SPAST: variants seen among roughly 807,000 people sequenced by gnomAD.
SPAST encodes the protein spastin.
Under a neutral mutation model 76.6 loss-of-function variants are expected in SPAST, and 30 were observed. The observed-to-expected ratio is 0.39, with a 90% CI of 0.29 to 0.53. SPAST has a LOEUF of 0.53. Among genes scored for constraint, SPAST ranks in the 20% least tolerant of loss-of-function variants. The pLI, the probability that SPAST is intolerant of heterozygous loss-of-function variation, is 0.68. For missense variants in SPAST, 717 were observed against 770.5 expected, an observed-to-expected ratio of 0.93 and a Z score of 0.82; for synonymous variants, 305 against 281.0, an observed-to-expected ratio of 1.09 and a Z score of -0.86.
chr2:32,150,600 G>C (rs1177607027), intron 16 of SPAST, among the ~76,000 whole-genome samples: 6 of 151,538 alleles, frequency 4.0e-5, no homozygotes, highest in African/African-American at 1.5e-4. Context: ...ACCACACTCA[G>C]CTAAATTTTT....
At chr2:32,137,783 A>G (rs1379231025) in intron 12 of SPAST, among the ~76,000 whole-genome samples, 1 of 152,188 alleles carries the variant, frequency 6.6e-6, no homozygotes, top group East Asian at 1.9e-4. Context: ...AGGGTGCAGT[A>G]GGTAGTTTTT....
At chr2:32,067,084 C>T (rs778359576) in intron 1 of SPAST, among the ~76,000 whole-genome samples, 5 of 150,616 alleles carry the variant, frequency 3.3e-5, no homozygotes, top group Admixed American at 6.6e-5. Context: ...ATTTTTGAGA[C>T]GGAGTCTCGC....
In SPAST at chr2:32,070,742, A is replaced by C. The variant is rs370263567; in HGVS notation, c.415+6496A>C. On this transcript the variant is annotated intron_variant, in intron 1 of 16. Coordinates refer to ENST00000315285, the MANE Select transcript of SPAST (RefSeq NM_014946.4). ...CCTCGCAGGCTCAATCGATCCACCC[A>C]CCTCAGCCTCCCTAGTAGCTGGGTC... Among the ~76,000 whole-genome samples, 84 of 151,890 alleles carry C rather than the reference A, an allele frequency of 5.5e-4. 2 individuals are homozygous for C. Among genetic ancestry groups the C allele is most frequent in the Admixed American group, 2.0e-3 (30 of 15,256 alleles).
At chr2:32,097,254 A>G (rs1193659962) in intron 3 of SPAST, among the ~76,000 whole-genome samples, 2 of 152,064 alleles carry the variant, frequency 1.3e-5, no homozygotes, top group African/African-American at 4.8e-5. Flanking sequence ...AGATCTTGGG[A>G]GGGGTTTTTG....
At chr2:32,081,781 C>CAAAAGAAAAAAAA (rs1677233244) in intron 1 of SPAST, among the ~76,000 whole-genome samples, 1 of 44,382 alleles carries the variant, frequency 2.3e-5, no homozygotes, top group Non-Finnish European at 4.0e-5. Context: ...GAGACACTGT[C>CAAAAGAAAAAAAA]AAAAAAAAAA....
intron 9 of SPAST, among the ~76,000 whole-genome samples, chr2:32,133,448 C>G (rs1348662054): frequency 2.6e-5 from 4 of 152,170 alleles, no homozygotes; most frequent in Non-Finnish European, 5.9e-5. Context: ...CTACTAACAT[C>G]ATAGACAAAG....
intron 4 of SPAST, among the ~76,000 whole-genome samples, chr2:32,108,260 C>A (rs1000022015): frequency 6.6e-6 from 1 of 152,164 alleles, no homozygotes; most frequent in African/African-American, 2.4e-5. Context: ...AATTTACAGA[C>A]AACAGCCTCA....
At chr2:32,067,630 TTAAA>T (rs1676575439) in intron 1 of SPAST, among the ~76,000 whole-genome samples, 1 of 151,790 alleles carries the variant, frequency 6.6e-6, no homozygotes, top group African/African-American at 2.4e-5. Flanking sequence ...GTTGGATATA[TTAAA>T]TATATAAAAA....
intron 12 of SPAST, 58 bp from the exon 13 acceptor site, chr2:32,141,846 C>A: frequency 7.5e-7 from 1 of 1,333,498 alleles, no homozygotes; most frequent in Non-Finnish European, 1.1e-6. Flanking sequence ...CTGTCATTTG[C>A]TGTTTCAGCT....
chr2:32,085,582 T>C (rs1285325095), intron 1 of SPAST, among the ~76,000 whole-genome samples: 1 of 152,184 alleles, frequency 6.6e-6, no homozygotes, highest in Non-Finnish European at 1.5e-5. Flanking sequence ...CAACCAGCCG[T>C]AGTATATAAT....
intron 9 of SPAST, 148 bp downstream of exon 9, chr2:32,128,627 C>A (rs541915600): frequency 6.6e-5 from 44 of 666,546 alleles, no homozygotes; most frequent in Middle Eastern, 7.3e-4. Flanking sequence ...TATCTATCTT[C>A]AGAGTAGAAA....
intron 3 of SPAST, among the ~76,000 whole-genome samples, chr2:32,092,514 C>G (rs1677762327): frequency 6.6e-6 from 1 of 152,092 alleles, no homozygotes; most frequent in Non-Finnish European, 1.5e-5. Context: ...CAATTAGAGA[C>G]TCATCTTTGA....
At chr2:32,066,818 A>G (rs1274727125) in intron 1 of SPAST, among the ~76,000 whole-genome samples, 4 of 152,034 alleles carry the variant, frequency 2.6e-5, no homozygotes, top group Non-Finnish European at 5.9e-5. Flanking sequence ...TGTGAAAAAT[A>G]CAAAGATTAG....
chr2:32,121,269 C>T (rs1679008768), intron 7 of SPAST, among the ~76,000 whole-genome samples: 1 of 152,058 alleles, frequency 6.6e-6, no homozygotes, highest in African/African-American at 2.4e-5. Flanking sequence ...TCTCCTGCCT[C>T]AGCCTCCCGA....
At chr2:32,066,829 C>T (rs1307364443) in intron 1 of SPAST, among the ~76,000 whole-genome samples, 1 of 151,912 alleles carries the variant, frequency 6.6e-6, no homozygotes, top group East Asian at 1.9e-4. Flanking sequence ...CAAAGATTAG[C>T]TAGGCGCAGT....
intron 7 of SPAST, among the ~76,000 whole-genome samples, chr2:32,118,914 A>G (rs1003932120): frequency 3.9e-5 from 6 of 152,224 alleles, no homozygotes; most frequent in Admixed American, 3.9e-4. Flanking sequence ...ATCTAAAATA[A>G]TAAGTAACAT....
intron 1 of SPAST, among the ~76,000 whole-genome samples, chr2:32,075,544 T>TATC (rs1676921862): frequency 9.8e-6 from 1 of 102,122 alleles, no homozygotes; most frequent in Non-Finnish European, 2.0e-5. Context: ...TCATGGCTTT[T>TATC]TTCTTTTTTT....
At chr2:32,089,499 T>G in intron 2 of SPAST, 23 bp from the exon 3 acceptor site, 1 of 1,321,092 alleles carries the variant, frequency 7.6e-7, no homozygotes, top group Non-Finnish European at 1.1e-6. Context: ...ATGTAGATAT[T>G]TTAATTAATT....
rs759865756 is a variant in SPAST, at chr2:32,137,093, G to T, written c.1414-16G>T. 8 of 1,610,730 alleles carry T rather than the reference G, an allele frequency of 5.0e-6. No individual in the cohort carries two copies. The highest frequency in any genetic ancestry group is 4.4e-5 in the South Asian group (4 of 90,970). ...TACTTTTCTAAATGAATTGAAAAAA[G>T]ATTTTTTGCTTGTAGGTACAGTCTG... is the stretch of plus-strand genomic sequence containing the variant. On this transcript the variant is annotated splice_polypyrimidine_tract_variant and intron_variant, in intron 11 of 16. Coordinates refer to ENST00000315285, the MANE Select transcript of SPAST (RefSeq NM_014946.4).
Sources: allele counts gnomAD v4.1 joint callset (sites outside exome capture counted in the v4.1 genomes callset), GRCh38; gene constraint gnomAD v4.1.1; transcripts MANE v1.5; gene names NCBI Gene and HGNC (gene_info 2026-07-23, HGNC 2026-07-21).